Variants in USP3 observed in about 807,000 individuals in gnomAD.
USP3 encodes ubiquitin carboxyl-terminal hydrolase 3.
USP3 carries 20 observed loss-of-function variants against 72.3 expected under a neutral mutation model. The observed-to-expected ratio is 0.28, with a 90% CI of 0.19 to 0.40. The LOEUF (loss-of-function observed/expected upper bound fraction) is 0.40, where lower values mean the gene tolerates loss of function less well. USP3 is among the 10% of genes least tolerant of loss of function. The pLI is 1.00. For missense variants in USP3, 479 were observed against 633.9 expected (o/e 0.76, Z 2.62); for synonymous variants, 222 against 225.3 (o/e 0.99, Z 0.13).
chr15:63,574,440 T>A lies in USP3; in HGVS notation c.1096+37T>A. 1 of 1,486,670 alleles carries A rather than the reference T, an allele frequency of 6.7e-7. No homozygotes were observed. Among genetic ancestry groups the A allele is most frequent in the Non-Finnish European group, 9.2e-7 (1 of 1,089,246 alleles). 92.1% of individuals were successfully genotyped at this position (1,486,670 alleles called of 1,614,324 possible). ...TGAATGTTCTAAAAATTTTTTTCTTTAAATAATTGAATAGATTGATAAGCT... is the reference window on the plus strand; with the variant it reads ...TGAATGTTCTAAAAATTTTTTTCTTAAAATAATTGAATAGATTGATAAGCT... On this transcript the variant is annotated intron_variant, in intron 11 of 14. Coordinates refer to ENST00000380324, the MANE Select transcript of USP3 (RefSeq NM_006537.4). This position sits in a 1 kb window ranked among gnomAD's most constrained non-coding sequence, Gnocchi z 4.6.
intron 8 of USP3, among the ~76,000 whole-genome samples, chr15:63,567,429 C>T (rs916419448): frequency 6.6e-6 from 1 of 150,974 alleles, no homozygotes; most frequent in Non-Finnish European, 1.5e-5. Flanking sequence ...TCACTGCAAG[C>T]TCCACCTCCC....
At chr15:63,506,242 A>G (rs1397964624) in intron 1 of USP3, among the ~76,000 whole-genome samples, 1 of 152,236 alleles carries the variant, frequency 6.6e-6, no homozygotes, top group Non-Finnish European at 1.5e-5. Flanking sequence ...GATGTTGAGT[A>G]TAGAACAACA....
intron 8 of USP3, among the ~76,000 whole-genome samples, chr15:63,566,217 T>C (rs1175405304): frequency 1.3e-5 from 2 of 152,220 alleles, no homozygotes; most frequent in African/African-American, 4.8e-5. Flanking sequence ...CATTGGCACA[T>C]AATTCTTATA....
rs1595731571 is a variant in USP3 at position 63,544,301 on chromosome 15, T to C, written c.284+7145T>C. Reference sequence around the variant, plus strand: ...AACTTGATTAGGAAGCTGATGAAAATAGCTTGAAGGCTTCTTTTGTAACCA... The same window carrying C: ...AACTTGATTAGGAAGCTGATGAAAACAGCTTGAAGGCTTCTTTTGTAACCA... On this transcript the variant is annotated intron_variant, in intron 3 of 14. Coordinates refer to ENST00000380324, the MANE Select transcript of USP3 (RefSeq NM_006537.4). The surrounding 1 kb of genome is among the most constrained non-coding windows in gnomAD (Gnocchi z 4.2). 1 of 157,970 alleles carries C rather than the reference T, an allele frequency of 6.3e-6. No homozygotes were observed. Among genetic ancestry groups the C allele is most frequent in the Admixed American group, 6.3e-5 (1 of 15,916 alleles). The allele number at this position is 157,970 out of a possible 1,614,324, so 9.8% of individuals were successfully genotyped here. A position where few individuals can be genotyped will look rare whatever the true frequency, so the allele number is the denominator to read the frequency against.
rs1017975295 is a variant in USP3 at position 63,591,354 on chromosome 15, G to T, written c.*528G>T. 4 of 152,340 alleles carry T rather than the reference G, an allele frequency of 2.6e-5. No homozygotes were observed. Among genetic ancestry groups the T allele is most frequent in the African/African-American group, 9.7e-5 (4 of 41,368 alleles). The allele number at this position is 152,340 out of a possible 1,614,324, so 9.4% of individuals were successfully genotyped here. ...TTTTTGCCTGTAAAATATAACAAAG[G>T]GCATCATTAAGTAGACCAGGTAATT... On this transcript the variant is annotated 3_prime_UTR_variant, in exon 15 of 15. Coordinates refer to ENST00000380324, the MANE Select transcript of USP3 (RefSeq NM_006537.4).
intron 2 of USP3, 24 bp from the exon 3 acceptor site, chr15:63,537,001 A>G (rs1367607363): frequency 5.0e-6 from 8 of 1,600,432 alleles, no homozygotes; most frequent in Non-Finnish European, 6.8e-6. Context: ...TATTTAAAGT[A>G]AATTTTCATT....
chr15:63,558,246 G>A, intron 6 of USP3, 58 bp downstream of exon 6: 5 of 1,576,304 alleles, frequency 3.2e-6, no homozygotes, highest in Non-Finnish European at 4.4e-6. Context: ...CACGGGCTCT[G>A]GCTCCCTATC....
Position 63,528,968 on chromosome 15 carries a change from T to A in USP3, c.92-3679T>A. On this transcript the variant is annotated intron_variant, in intron 1 of 14. Coordinates refer to ENST00000380324, the MANE Select transcript of USP3 (RefSeq NM_006537.4). This position sits in a 1 kb window ranked among gnomAD's most constrained non-coding sequence, Gnocchi z 4.3. ...TATTCCCCAAAGCAATGCCATTTAT[T>A]GGCTTCAGAATCCCTCATAATACCC... 7.9e-7 allele frequency: 1 copy of A among 1,268,730 alleles called. No individual in the cohort carries two copies. Among genetic ancestry groups the A allele is most frequent in the Non-Finnish European group, 1.0e-6 (1 of 972,586 alleles). The allele number at this position is 1,268,730 out of a possible 1,614,324, so 78.6% of individuals were successfully genotyped here. A position where few individuals can be genotyped will look rare whatever the true frequency, so the allele number is the denominator to read the frequency against.
chr15:63,547,900 T>TAGAGAGAGGCAG (rs2066374794), intron 3 of USP3, among the ~76,000 whole-genome samples: 6 of 68,240 alleles, frequency 8.8e-5, no homozygotes, highest in South Asian at 4.1e-4. Flanking sequence ...GAGAGAGGCA[T>TAGAGAGAGGCAG]AGAGAGAGGC....
intron 1 of USP3, among the ~76,000 whole-genome samples, chr15:63,514,659 G>A (rs2065828498): frequency 6.6e-6 from 1 of 152,034 alleles, no homozygotes; most frequent in Non-Finnish European, 1.5e-5. Context: ...GTTCTCCAAG[G>A]AAAGTCTTTG....
At chr15:63,537,194 T>A in intron 3 of USP3, 38 bp downstream of exon 3, 1 of 1,591,648 alleles carries the variant, frequency 6.3e-7, no homozygotes, top group Non-Finnish European at 8.6e-7. Flanking sequence ...TTTCTTACTG[T>A]GTGCAAGTGT....
intron 3 of USP3, among the ~76,000 whole-genome samples, chr15:63,552,723 C>G (rs936791080): frequency 1.3e-5 from 2 of 151,952 alleles, no homozygotes; most frequent in South Asian, 4.1e-4. Context: ...TTTCCCCACC[C>G]CTTTCTCTCT....
At chr15:63,563,400 T>C (rs552034831) in intron 8 of USP3, among the ~76,000 whole-genome samples, 9 of 152,190 alleles carry the variant, frequency 5.9e-5, no homozygotes, top group African/African-American at 1.7e-4. Flanking sequence ...TGCATGGTAT[T>C]ATATGAACTG....
At position 63,544,482 on chromosome 15, in the gene USP3, G is replaced by A; in HGVS notation, c.284+7326G>A. On this transcript the variant is annotated intron_variant, in intron 3 of 14. Transcript: ENST00000380324. The surrounding 1 kb of genome is among the most constrained non-coding windows in gnomAD (Gnocchi z 4.2). ...TTTGACTTTAGTAGACTAGTGTTTT[G>A]TCTTTTAGAATTAGAGGGGGCAAGT... The A allele has an allele frequency of 3.7e-6, 2 of 538,296 alleles. No homozygotes were observed. Among genetic ancestry groups the A allele is most frequent in the Non-Finnish European group, 6.6e-6 (2 of 305,146 alleles). The allele number at this position is 538,296 out of a possible 1,614,324, so 33.3% of individuals were successfully genotyped here.
chr15:63,529,652 A>G lies in USP3; in HGVS notation c.92-2995A>G, dbSNP rs140553942. Among the ~76,000 whole-genome samples, 257 of 152,336 alleles carry G rather than the reference A, an allele frequency of 1.7e-3. 3 individuals are homozygous for G. The East Asian group carries it at 0.022, about 13-fold the overall frequency. On this transcript the variant is annotated intron_variant, in intron 1 of 14. Transcript: ENST00000380324. The surrounding 1 kb of genome is among the most constrained non-coding windows in gnomAD (Gnocchi z 4.2). ...GTGTTCATGCACCTTGAGTGGGGAA[A>G]AGGAGATCACCAAATTGTGTGTACT...
At chr15:63,562,616 A>G (rs2066625855) in intron 7 of USP3, among the ~76,000 whole-genome samples, 1 of 152,206 alleles carries the variant, frequency 6.6e-6, no homozygotes, top group Admixed American at 6.5e-5. Flanking sequence ...CCAGTGCTGT[A>G]TGGTTTGCTT....
In USP3 at chr15:63,592,724, C is replaced by A. The variant is rs929151850; in HGVS notation, c.*1898C>A. On this transcript the variant is annotated 3_prime_UTR_variant, in exon 15 of 15. Coordinates refer to ENST00000380324, the MANE Select transcript of USP3 (RefSeq NM_006537.4). ...GTGCTAGCATTACAGGCATGAGCCACCACGCCCAGCCTGTTCTATTAAAAA... is the reference window on the plus strand; with the variant it reads ...GTGCTAGCATTACAGGCATGAGCCAACACGCCCAGCCTGTTCTATTAAAAA... The A allele has an allele frequency of 1.3e-5, 2 of 151,730 alleles. No individual in the cohort carries two copies. Among genetic ancestry groups the A allele is most frequent in the South Asian group, 4.2e-4 (2 of 4,804 alleles). The allele number at this position is 151,730 out of a possible 1,614,324, so 9.4% of individuals were successfully genotyped here. A position where few individuals can be genotyped will look rare whatever the true frequency, so the allele number is the denominator to read the frequency against.
intron 1 of USP3, among the ~76,000 whole-genome samples, chr15:63,510,313 C>T (rs191108174): frequency 3.9e-5 from 6 of 152,244 alleles, no homozygotes; most frequent in Admixed American, 1.3e-4. Context: ...TACATTTCCC[C>T]TAACCTAACC....
intron 1 of USP3, among the ~76,000 whole-genome samples, chr15:63,527,172 C>T (rs1168115668): frequency 6.6e-6 from 1 of 152,314 alleles, no homozygotes; most frequent in African/African-American, 2.4e-5. Context: ...GCTGGGATTA[C>T]AGGTGTGAGC....
Sources: allele counts gnomAD v4.1 joint callset (sites outside exome capture counted in the v4.1 genomes callset), GRCh38; gene constraint gnomAD v4.1.1; non-coding constraint Gnocchi (gnomAD v3.1); transcripts MANE v1.5; gene names NCBI Gene and HGNC (gene_info 2026-07-23, HGNC 2026-07-21).